Variants in MGMT observed in about 807,000 individuals in gnomAD.
MGMT encodes the protein O-6-methylguanine-DNA methyltransferase.
In MGMT, 14 loss-of-function variants were observed where a neutral mutation model predicts 15.9. The ratio of observed to expected loss-of-function variants is 0.88; its 90% CI spans 0.58 to 1.37. The LOEUF (loss-of-function observed/expected upper bound fraction) is 1.37. MGMT is among the 40% of genes most tolerant of loss of function. The pLI is 0.00. For missense variants in MGMT, 282 were observed against 268.1 expected (o/e 1.05, Z -0.36); for synonymous variants, 130 against 118.2 (o/e 1.10, Z -0.65).
intron 2 of MGMT, among the ~76,000 whole-genome samples, chr10:129,663,916 G>C (rs1297533477): frequency 1.3e-5 from 2 of 151,886 alleles, no homozygotes; most frequent in Admixed American, 6.6e-5. Context: ...TACATAAATT[G>C]TTTAAAAGCA....
rs377052930 is a variant in MGMT, at chr10:129,487,484, T to G, written c.-13+20188T>G. Among the ~76,000 whole-genome samples the G allele has an allele frequency of 3.9e-5, 6 of 152,198 alleles. No individual in the cohort carries two copies. The East Asian group carries it at 9.7e-4, about 25-fold the overall frequency. On this transcript the variant is annotated intron_variant, in intron 1 of 4. Transcript: ENST00000651593. ...TATTATCATTACCAAAAATGATGCC[T>G]CCTATAGACTTTTGGTAGAAAGGAA...
intron 2 of MGMT, among the ~76,000 whole-genome samples, chr10:129,653,014 C>T (rs879517540): frequency 4.6e-5 from 7 of 152,204 alleles, no homozygotes; most frequent in South Asian, 4.1e-4. Context: ...CAGTGGCTCT[C>T]GGGATCCCTC....
At chr10:129,475,776 T>C (rs1257529157) in intron 1 of MGMT, among the ~76,000 whole-genome samples, 1 of 152,216 alleles carries the variant, frequency 6.6e-6, no homozygotes, top group Non-Finnish European at 1.5e-5. Flanking sequence ...GTTGCTTCCA[T>C]GGTGCCACTT....
At chr10:129,561,758 T>C (rs77035642) in intron 2 of MGMT, among the ~76,000 whole-genome samples, 4,949 of 152,324 alleles carry the variant, frequency 0.032, 130 homozygotes, top group South Asian at 0.065. Flanking sequence ...ATAATTTTTG[T>C]TTAATGGCTG....
In MGMT at chr10:129,767,983, G is replaced by T. The variant is rs1174140268; in HGVS notation, c.*986G>T. On this transcript the variant is annotated 3_prime_UTR_variant, in exon 5 of 5. Coordinates refer to ENST00000651593, the MANE Select transcript of MGMT (RefSeq NM_002412.5). ...AATTAACTATATCCAAAAGCCGGAAGGGAAACCTGTAGCTCTGCATATGGA... is the reference window on the plus strand; with the variant it reads ...AATTAACTATATCCAAAAGCCGGAATGGAAACCTGTAGCTCTGCATATGGA... 3 of 152,240 alleles carry T rather than the reference G, an allele frequency of 2.0e-5. No individual in the cohort carries two copies. Among genetic ancestry groups the T allele is most frequent in the African/African-American group, 7.2e-5 (3 of 41,456 alleles). The allele number at this position is 152,240 out of a possible 1,614,324, so 9.4% of individuals were successfully genotyped here. A position where few individuals can be genotyped will look rare whatever the true frequency, so the allele number is the denominator to read the frequency against.
intron 2 of MGMT, among the ~76,000 whole-genome samples, chr10:129,679,270 G>A (rs1847820383): frequency 6.6e-6 from 1 of 152,004 alleles, no homozygotes; most frequent in African/African-American, 2.4e-5. Context: ...AGGGTTCTAG[G>A]AACAAAGTGA....
intron 2 of MGMT, among the ~76,000 whole-genome samples, chr10:129,581,480 C>T (rs1195142078): frequency 6.6e-6 from 1 of 152,176 alleles, no homozygotes; most frequent in Non-Finnish European, 1.5e-5. Flanking sequence ...ATCATCATGT[C>T]ATTCCCATCT....
chr10:129,730,990 G>T (rs7897876), intron 3 of MGMT, among the ~76,000 whole-genome samples: 82,108 of 152,028 alleles, frequency 0.54, 22,502 homozygotes, highest in Middle Eastern at 0.71. Context: ...TACGCCTCTG[G>T]GGGAGCTTCA....
chr10:129,590,040 A>G (rs1054283996), intron 2 of MGMT, among the ~76,000 whole-genome samples: 1 of 152,192 alleles, frequency 6.6e-6, no homozygotes, highest in African/African-American at 2.4e-5. Flanking sequence ...AGTGCGGATC[A>G]TGAGATCATC....
At chr10:129,737,442 G>A (rs1171763662) in intron 3 of MGMT, among the ~76,000 whole-genome samples, 5 of 152,020 alleles carry the variant, frequency 3.3e-5, no homozygotes. Flanking sequence ...GGTTACTCTA[G>A]TTATACATTC....
At position 129,631,925 on chromosome 10, in the gene MGMT, CAG is replaced by C. The variant is rs1847214234; in HGVS notation, c.126-75969_126-75968del. 3.9e-5 allele frequency among the ~76,000 whole-genome samples: 6 copies of C among 152,152 alleles called. No homozygotes were observed. The South Asian group carries it at 1.0e-3, about 26-fold the overall frequency. ...TCTAATTTCTTTTTTTCTTAGGAGA[CAG>C]GGGCTCCCTATGTTGCCCAGGTTGG... On this transcript the variant is annotated intron_variant, in intron 2 of 4. Transcript: ENST00000651593.
chr10:129,594,584 G>A (rs909706301), intron 2 of MGMT, among the ~76,000 whole-genome samples: 4 of 152,062 alleles, frequency 2.6e-5, no homozygotes, highest in African/African-American at 9.7e-5. Context: ...GACACCATTG[G>A]GTCTCACAGC....
intron 2 of MGMT, among the ~76,000 whole-genome samples, chr10:129,663,033 C>T (rs1239469047): frequency 6.6e-6 from 1 of 152,078 alleles, no homozygotes; most frequent in Non-Finnish European, 1.5e-5. Context: ...ACAGGAGACC[C>T]AAACAACCTA....
In MGMT at chr10:129,497,839, G is replaced by A. The variant is rs147038950; in HGVS notation, c.-13+30543G>A. Among the ~76,000 whole-genome samples the A allele has an allele frequency of 4.0e-3, 604 of 152,304 alleles. 2 individuals are homozygous for A. Among genetic ancestry groups the A allele is most frequent in the Non-Finnish European group, 6.1e-3 (415 of 68,028 alleles). On this transcript the variant is annotated intron_variant, in intron 1 of 4. Coordinates refer to ENST00000651593, the MANE Select transcript of MGMT (RefSeq NM_002412.5). Reference sequence around the variant, plus strand: ...GTCCTCTTCCACCACGTGAGGACGCGGCGAGAAGGTGCTCTCTGTGAACCA... The same window carrying A: ...GTCCTCTTCCACCACGTGAGGACGCAGCGAGAAGGTGCTCTCTGTGAACCA...
At chr10:129,675,037 G>A (rs1847768369) in intron 2 of MGMT, among the ~76,000 whole-genome samples, 3 of 152,188 alleles carry the variant, frequency 2.0e-5, no homozygotes, top group Non-Finnish European at 4.4e-5. Context: ...AATGAGATCT[G>A]AACCACGTGG....
intron 3 of MGMT, among the ~76,000 whole-genome samples, chr10:129,735,308 A>T (rs1848547493): frequency 6.6e-6 from 1 of 152,100 alleles, no homozygotes; most frequent in South Asian, 2.1e-4. Context: ...TGTGTCAAGG[A>T]ATTTATCCAT....
At chr10:129,717,814 A>G (rs1192626157) in intron 3 of MGMT, 2 of 152,208 alleles carry the variant, frequency 1.3e-5, no homozygotes, top group African/African-American at 4.8e-5. Flanking sequence ...TCTTTTTGAA[A>G]ATTTCATCAG....
At chr10:129,474,815 T>A (rs1845272144) in intron 1 of MGMT, among the ~76,000 whole-genome samples, 1 of 152,178 alleles carries the variant, frequency 6.6e-6, no homozygotes, top group South Asian at 2.1e-4. Flanking sequence ...CTGGTGCGGC[T>A]GAGTGTGCCC....
At chr10:129,505,916 G>A (rs1039666383) in intron 1 of MGMT, among the ~76,000 whole-genome samples, 1 of 151,568 alleles carries the variant, frequency 6.6e-6, no homozygotes, top group Non-Finnish European at 1.5e-5. Flanking sequence ...GATCCCTTCG[G>A]TCAGGTGCTG....
Sources: gnomAD v4.1 joint callset for allele counts (sites outside exome capture counted in the v4.1 genomes callset) on GRCh38, gnomAD v4.1.1 for gene constraint, MANE v1.5 for transcripts, NCBI Gene and HGNC (gene_info 2026-07-23, HGNC 2026-07-21) for gene names.